ATP10B: variants seen among roughly 807,000 people sequenced by gnomAD.
ATP10B encodes ATPase phospholipid transporting 10B (putative).
In ATP10B, 122 loss-of-function variants were observed where a neutral mutation model predicts 141.2. The ratio of observed to expected loss-of-function variants is 0.86; its 90% CI spans 0.75 to 1.00. The LOEUF (loss-of-function observed/expected upper bound fraction) is 1.00. ATP10B is among the 50% of genes least tolerant of loss of function. The pLI is 0.00. For synonymous variants in ATP10B, 685 were observed against 692.0 expected, an observed-to-expected ratio of 0.99 and a Z score of 0.16; for missense variants, 1,876 against 1,825.3, an observed-to-expected ratio of 1.03 and a Z score of -0.51.
At chr5:160,900,899 G>T in the ATP10B span, among the ~76,000 whole-genome samples, 1 of 145,028 alleles carries the variant, frequency 6.9e-6, no homozygotes. Flanking sequence ...CCTTTTGGGG[G>T]GTAGAGAAGT....
chr5:160,825,651 T>A (rs567092492), intron 1 of ATP10B, among the ~76,000 whole-genome samples: 9 of 152,370 alleles, frequency 5.9e-5, no homozygotes, highest in Middle Eastern at 3.4e-3. Flanking sequence ...CTGGTTTATC[T>A]GTATGTCAGT....
At chr5:160,866,772 C>T in the ATP10B span, among the ~76,000 whole-genome samples, 3 of 152,004 alleles carry the variant, frequency 2.0e-5, no homozygotes, top group African/African-American at 4.8e-5. Flanking sequence ...ATAAAGACTA[C>T]ATATTGGGTA....
At chr5:160,654,015 A>G (rs1761276292) in intron 7 of ATP10B, among the ~76,000 whole-genome samples, 1 of 114,688 alleles carries the variant, frequency 8.7e-6, no homozygotes, top group Admixed American at 8.5e-5. Context: ...ATATACATAT[A>G]TAAATATATG....
intron 2 of ATP10B, among the ~76,000 whole-genome samples, chr5:160,768,929 C>T (rs1365764602): frequency 6.6e-6 from 1 of 152,190 alleles, no homozygotes; most frequent in Non-Finnish European, 1.5e-5. Flanking sequence ...CAGGTGAACT[C>T]TGAAAACAGG....
intron 7 of ATP10B, among the ~76,000 whole-genome samples, chr5:160,665,620 T>C (rs1337325645): frequency 6.6e-6 from 1 of 152,216 alleles, no homozygotes; most frequent in Non-Finnish European, 1.5e-5. Flanking sequence ...TAATCTGACT[T>C]GACCACGGAC....
chr5:160,673,153 T>G (rs1762819616), intron 6 of ATP10B, among the ~76,000 whole-genome samples: 1 of 152,184 alleles, frequency 6.6e-6, no homozygotes, highest in Non-Finnish European at 1.5e-5. Flanking sequence ...ATTCTGGGGG[T>G]GATGCGTCTG....
chr5:160,724,530 A>G (rs191672520), intron 2 of ATP10B, among the ~76,000 whole-genome samples: 1 of 152,284 alleles, frequency 6.6e-6, no homozygotes, highest in African/African-American at 2.4e-5. Context: ...AATTCTAACT[A>G]TAATTCCTTT....
intron 6 of ATP10B, among the ~76,000 whole-genome samples, chr5:160,681,357 T>C (rs1028809924): frequency 1.3e-5 from 2 of 152,268 alleles, no homozygotes; most frequent in African/African-American, 2.4e-5. Context: ...GAGGTCTATA[T>C]GTTTAAATGA....
At chr5:160,789,980 ATTCC>A (rs1771450906) in intron 1 of ATP10B, among the ~76,000 whole-genome samples, 1 of 152,038 alleles carries the variant, frequency 6.6e-6, no homozygotes, top group Non-Finnish European at 1.5e-5. Context: ...AAATAGGCAA[ATTCC>A]TTATCCTCTT....
chr5:160,907,628 TG>T, the ATP10B span, among the ~76,000 whole-genome samples: 1 of 152,114 alleles, frequency 6.6e-6, no homozygotes, highest in Non-Finnish European at 1.5e-5. Flanking sequence ...CCCAAAACAT[TG>T]GGATTACAGG....
At chr5:160,585,867 G>A (rs1003196969) in intron 24 of ATP10B, among the ~76,000 whole-genome samples, 3 of 152,042 alleles carry the variant, frequency 2.0e-5, no homozygotes, top group Non-Finnish European at 4.4e-5. Context: ...GGTGTTTCTG[G>A]CCCATGAAGA....
intron 1 of ATP10B, among the ~76,000 whole-genome samples, chr5:160,787,880 A>C (rs2127899985): frequency 6.6e-6 from 1 of 152,310 alleles, no homozygotes; most frequent in East Asian, 1.9e-4. Flanking sequence ...AGACGGTATT[A>C]TTCCCCCTTA....
intron 2 of ATP10B, among the ~76,000 whole-genome samples, chr5:160,739,835 A>T (rs1767349823): frequency 1.3e-5 from 2 of 151,934 alleles, no homozygotes. Context: ...TTAAAATTGT[A>T]TTTTATTATT....
chr5:160,730,476 G>A (rs1273777739), intron 2 of ATP10B, among the ~76,000 whole-genome samples: 1 of 151,894 alleles, frequency 6.6e-6, no homozygotes, highest in Non-Finnish European at 1.5e-5. Context: ...CCACCTGATG[G>A]GAGTTGTTAA....
the ATP10B span, among the ~76,000 whole-genome samples, chr5:160,874,051 C>T: frequency 6.6e-6 from 1 of 152,184 alleles, no homozygotes; most frequent in Non-Finnish European, 1.5e-5. Flanking sequence ...AGGAGGCCTG[C>T]CTGCCTCTGT....
At chr5:160,892,841 G>T in the ATP10B span, among the ~76,000 whole-genome samples, 1 of 152,148 alleles carries the variant, frequency 6.6e-6, no homozygotes, top group Non-Finnish European at 1.5e-5. Flanking sequence ...TCAAACTGAG[G>T]TACCTGACTT....
intron 1 of ATP10B, among the ~76,000 whole-genome samples, chr5:160,834,767 C>A (rs1775316050): frequency 6.6e-6 from 1 of 152,030 alleles, no homozygotes; most frequent in African/African-American, 2.4e-5. Context: ...CGTTTCTTCC[C>A]CACAGATTTC....
At chr5:160,820,043 A>G (rs1773980341) in intron 1 of ATP10B, among the ~76,000 whole-genome samples, 2 of 152,128 alleles carry the variant, frequency 1.3e-5, no homozygotes, top group South Asian at 4.1e-4. Flanking sequence ...GCAGAAATAA[A>G]TGAATTCAAA....
At chr5:160,906,829 G>A in the ATP10B span, among the ~76,000 whole-genome samples, 50 of 152,172 alleles carry the variant, frequency 3.3e-4, no homozygotes, top group Non-Finnish European at 6.9e-4. Flanking sequence ...TGCTAAGGGT[G>A]GCAGAGAGGA....
Sources: allele counts gnomAD v4.1 joint callset (sites outside exome capture counted in the v4.1 genomes callset), GRCh38; gene constraint gnomAD v4.1.1; transcripts MANE v1.5; gene names NCBI Gene and HGNC (gene_info 2026-07-23, HGNC 2026-07-21).